Variants in HECW2 observed in about 807,000 individuals in gnomAD.
HECW2 encodes the protein E3 ubiquitin-protein ligase HECW2.
Under a neutral mutation model 175.2 loss-of-function variants are expected in HECW2, and 61 were observed. The observed-to-expected ratio is 0.35, with a 90% CI of 0.28 to 0.43. The LOEUF is 0.43. HECW2 is among the 20% of genes least tolerant of loss of function. The pLI is 1.00. For synonymous variants in HECW2, 671 were observed against 731.0 expected, an observed-to-expected ratio of 0.92 and a Z score of 1.32; for missense variants, 1,524 against 2,000.5, an observed-to-expected ratio of 0.76 and a Z score of 4.54.
intron 13 of HECW2, among the ~76,000 whole-genome samples, chr2:196,297,981 T>C (rs1051999605): frequency 2.0e-5 from 3 of 152,210 alleles, no homozygotes; most frequent in Non-Finnish European, 4.4e-5. Context: ...AAATGATCAA[T>C]TCATCTATTT....
Position 196,334,526 on chromosome 2 carries a change from G to A in HECW2, c.401-8C>T. ...AACAGATTTTTATCTCCGCTGCAAA[G>A]CAATTGGAGAAAACAGTAATTTAAA... On this transcript the variant is annotated splice_polypyrimidine_tract_variant and splice_region_variant and intron_variant, in intron 3 of 28. Coordinates refer to ENST00000644978, the MANE Select transcript of HECW2 (RefSeq NM_001348768.2). 1.3e-6 allele frequency: 2 copies of A among 1,577,720 alleles called. No homozygotes were observed. The highest frequency in any genetic ancestry group is 8.6e-7 in the Non-Finnish European group (1 of 1,158,888).
intron 2 of HECW2, among the ~76,000 whole-genome samples, chr2:196,358,251 A>G (rs910451563): frequency 6.6e-6 from 1 of 152,174 alleles, no homozygotes; most frequent in South Asian, 2.1e-4. Flanking sequence ...AACCTGGCAT[A>G]TATCAGGAGC....
chr2:196,394,635 G>C (rs1316543416), intron 2 of HECW2, among the ~76,000 whole-genome samples: 2 of 152,206 alleles, frequency 1.3e-5, no homozygotes, highest in Non-Finnish European at 2.9e-5. Context: ...CAGTTAATTA[G>C]TAGTGAAGTA....
intron 1 of HECW2, among the ~76,000 whole-genome samples, chr2:196,527,695 T>G (rs1688716239): frequency 6.6e-6 from 1 of 152,230 alleles, no homozygotes; most frequent in Non-Finnish European, 1.5e-5. Context: ...ATACTATATC[T>G]GCATGAATTT....
intron 1 of HECW2, chr2:196,586,866 C>T (rs959792977): frequency 6.6e-6 from 1 of 152,120 alleles, no homozygotes; most frequent in African/African-American, 2.4e-5. Flanking sequence ...TGCATGACAT[C>T]GGTGGTTTCA....
chr2:196,564,954 ATTT>A (rs11441092), intron 1 of HECW2, among the ~76,000 whole-genome samples: 3 of 145,200 alleles, frequency 2.1e-5, no homozygotes, highest in Non-Finnish European at 4.5e-5. Flanking sequence ...CTATGCTTTG[ATTT>A]TTTTTTTTTT....
At chr2:196,536,882 C>G (rs749663344) in intron 1 of HECW2, among the ~76,000 whole-genome samples, 11 of 152,168 alleles carry the variant, frequency 7.2e-5, no homozygotes, top group Non-Finnish European at 1.5e-4. Flanking sequence ...AAGACAGCAG[C>G]CACTGTAACT....
intron 13 of HECW2, among the ~76,000 whole-genome samples, chr2:196,301,945 T>C (rs1691078610): frequency 6.6e-6 from 1 of 152,316 alleles, no homozygotes; most frequent in East Asian, 1.9e-4. Context: ...ACTTTTGTCA[T>C]GAAATCTTTG....
chr2:196,527,451 G>A (rs1025696578), intron 1 of HECW2, among the ~76,000 whole-genome samples: 1 of 152,188 alleles, frequency 6.6e-6, no homozygotes, highest in Non-Finnish European at 1.5e-5. Flanking sequence ...CGTCGCTCAC[G>A]CTGGGAGCTG....
chr2:196,519,244 C>T (rs542829109), intron 1 of HECW2, among the ~76,000 whole-genome samples: 2 of 152,236 alleles, frequency 1.3e-5, no homozygotes, highest in East Asian at 3.9e-4. Context: ...ACTGAAACTC[C>T]CCATTTCACA....
intron 1 of HECW2, among the ~76,000 whole-genome samples, chr2:196,518,654 CAAAAAAAAA>C (rs747681637): frequency 3.9e-5 from 3 of 77,430 alleles, no homozygotes; most frequent in African/African-American, 7.5e-5. Flanking sequence ...GATTCTGTCT[CAAAAAAAAA>C]AAAAAAAAAA....
At chr2:196,398,386 T>C (rs1433020802) in intron 2 of HECW2, among the ~76,000 whole-genome samples, 2 of 152,234 alleles carry the variant, frequency 1.3e-5, no homozygotes, top group Non-Finnish European at 2.9e-5. Context: ...AAAAATGTTA[T>C]ACCATTACTA....
chr2:196,361,473 C>T (rs573429675), intron 2 of HECW2, among the ~76,000 whole-genome samples: 4 of 152,256 alleles, frequency 2.6e-5, no homozygotes, highest in Non-Finnish European at 5.9e-5. Flanking sequence ...TTAGACTCAA[C>T]CTAAGGCAAT....
chr2:196,592,441 G>T (rs1691232661), intron 1 of HECW2: 1 of 152,184 alleles, frequency 6.6e-6, no homozygotes, highest in African/African-American at 2.4e-5. Flanking sequence ...TAATAGTGAA[G>T]ACAAGGCATG....
chr2:196,549,880 C>A (rs1293731316), intron 1 of HECW2, among the ~76,000 whole-genome samples: 1 of 152,194 alleles, frequency 6.6e-6, no homozygotes, highest in Non-Finnish European at 1.5e-5. Context: ...CTAAACTGAA[C>A]TGGCCCATAG....
At chr2:196,568,016 T>A (rs916971570) in intron 1 of HECW2, among the ~76,000 whole-genome samples, 9 of 152,336 alleles carry the variant, frequency 5.9e-5, no homozygotes, top group Admixed American at 5.2e-4. Context: ...AAGTAATTAA[T>A]AAATATAATA....
At chr2:196,440,213 T>C (rs1559111838) in intron 1 of HECW2, among the ~76,000 whole-genome samples, 1 of 152,142 alleles carries the variant, frequency 6.6e-6, no homozygotes. Flanking sequence ...ATAACAGCCT[T>C]AGTATTAATT....
In HECW2 at chr2:196,217,140, T is replaced by C. The variant is rs2105806058; in HGVS notation, c.4409-47A>G. 6 of 1,388,770 alleles carry C rather than the reference T, an allele frequency of 4.3e-6. No homozygotes were observed. The East Asian group carries it at 1.4e-4, about 33-fold the overall frequency. 86.0% of individuals were successfully genotyped at this position (1,388,770 alleles called of 1,614,324 possible). A position where few individuals can be genotyped will look rare whatever the true frequency, so the allele number is the denominator to read the frequency against. On this transcript the variant is annotated intron_variant, in intron 26 of 28. Coordinates refer to ENST00000644978, the MANE Select transcript of HECW2 (RefSeq NM_001348768.2). ...CCCATGTTACTTTGACTCTTCTATA[T>C]TAAGCCACCAAGATACGTGACACGA...
Position 196,394,525 on chromosome 2 carries a change from C to A in HECW2, c.292+38607G>T, listed in dbSNP as rs1463831243. Among the ~76,000 whole-genome samples, 6 of 152,026 alleles carry A rather than the reference C, an allele frequency of 3.9e-5. No individual in the cohort carries two copies. The East Asian group carries it at 1.2e-3, about 29-fold the overall frequency. ...TTTAGTGAGTCAATAAACATCCCCC[C>A]TTTAGAGAGTTCAGACCACCTAAAG... On this transcript the variant is annotated intron_variant, in intron 2 of 28. Coordinates refer to ENST00000644978, the MANE Select transcript of HECW2 (RefSeq NM_001348768.2).
Sources: gnomAD v4.1 joint callset for allele counts (sites outside exome capture counted in the v4.1 genomes callset) on GRCh38, gnomAD v4.1.1 for gene constraint, MANE v1.5 for transcripts, NCBI Gene and HGNC (gene_info 2026-07-23, HGNC 2026-07-21) for gene names.